The following ULK4 variants were observed in gnomAD, a reference collection of about 807,000 sequenced individuals.
ULK4 encodes unc-51 like kinase 4.
Under a neutral mutation model 160.6 loss-of-function variants are expected in ULK4, and 133 were observed. The observed-to-expected ratio is 0.83, with a 90% CI of 0.72 to 0.96. The LOEUF is 0.96. Among genes scored for constraint, ULK4 ranks in the 40% least tolerant of loss-of-function variants. The probability of loss-of-function intolerance (pLI) is 0.00; values close to 1 mark genes in which losing one functional copy is unlikely to be tolerated. For synonymous variants in ULK4, 534 were observed against 539.8 expected, an observed-to-expected ratio of 0.99 and a Z score of 0.15; for missense variants, 1,580 against 1,499.5, an observed-to-expected ratio of 1.05 and a Z score of -0.89.
intron 32 of ULK4, among the ~76,000 whole-genome samples, chr3:41,542,304 T>C (rs1200641740): frequency 6.6e-6 from 1 of 152,208 alleles, no homozygotes; most frequent in Non-Finnish European, 1.5e-5. Context: ...GTTCTGTTTA[T>C]GTGATGTATT....
intron 18 of ULK4, among the ~76,000 whole-genome samples, chr3:41,823,464 G>A (rs1422400251): frequency 6.6e-6 from 1 of 152,176 alleles, no homozygotes; most frequent in Non-Finnish European, 1.5e-5. Context: ...AAGAATACCT[G>A]AACTCAGGGT....
chr3:41,320,507 C>T (rs2080226168), intron 35 of ULK4, among the ~76,000 whole-genome samples: 1 of 152,190 alleles, frequency 6.6e-6, no homozygotes, highest in South Asian at 2.1e-4. Context: ...ACTTGCCCGG[C>T]CCCAGAACCT....
chr3:41,689,756 A>G (rs1165808121), intron 27 of ULK4, among the ~76,000 whole-genome samples: 1 of 152,194 alleles, frequency 6.6e-6, no homozygotes, highest in Non-Finnish European at 1.5e-5. Context: ...ATCTCACACC[A>G]GTTAGAATGG....
chr3:41,409,086 T>C (rs1014697648), intron 34 of ULK4, among the ~76,000 whole-genome samples: 5 of 151,852 alleles, frequency 3.3e-5, no homozygotes, highest in Admixed American at 1.3e-4. Context: ...CGAAACCCCA[T>C]CTCTACAAAA....
intron 4 of ULK4, among the ~76,000 whole-genome samples, chr3:41,935,242 T>A (rs1359991652): frequency 7.7e-5 from 8 of 103,242 alleles, no homozygotes; most frequent in Admixed American, 4.3e-4. Context: ...TTTTTTTTTT[T>A]TTTGAGACGG....
chr3:41,340,691 G>C (rs2080663436), intron 35 of ULK4, among the ~76,000 whole-genome samples: 1 of 152,172 alleles, frequency 6.6e-6, no homozygotes. Flanking sequence ...GGACAGATAT[G>C]AACATTTTCA....
At chr3:41,654,650 A>C (rs563979314) in intron 30 of ULK4, among the ~76,000 whole-genome samples, 3 of 152,326 alleles carry the variant, frequency 2.0e-5, no homozygotes, top group African/African-American at 7.2e-5. Context: ...CAAAAACTCA[A>C]AATTTGCTCA....
At chr3:41,800,916 T>C (rs1334857582) in intron 19 of ULK4, among the ~76,000 whole-genome samples, 1 of 152,208 alleles carries the variant, frequency 6.6e-6, no homozygotes, top group Non-Finnish European at 1.5e-5. Flanking sequence ...AGCCCAGAAG[T>C]ACTTACAGAA....
At chr3:41,957,709 T>C (rs1284440711) in intron 1 of ULK4, among the ~76,000 whole-genome samples, 2 of 148,978 alleles carry the variant, frequency 1.3e-5, no homozygotes, top group South Asian at 4.2e-4. Context: ...TGAGACCATG[T>C]CTCAGAAAAA....
At chr3:41,551,859 C>T (rs914011884) in intron 32 of ULK4, among the ~76,000 whole-genome samples, 1 of 151,984 alleles carries the variant, frequency 6.6e-6, no homozygotes, top group African/African-American at 2.4e-5. Flanking sequence ...ACACAAAAAT[C>T]TTCAACAAAA....
chr3:41,692,709 T>C (rs1459644230), intron 27 of ULK4, among the ~76,000 whole-genome samples: 5 of 152,092 alleles, frequency 3.3e-5, no homozygotes, highest in African/African-American at 9.7e-5. Flanking sequence ...ATACTAGTAA[T>C]ATTGATTTCT....
chr3:41,280,334 AC>A (rs1204280502), intron 35 of ULK4, among the ~76,000 whole-genome samples: 4 of 152,216 alleles, frequency 2.6e-5, no homozygotes, highest in Non-Finnish European at 4.4e-5. Context: ...AGAACTCTCC[AC>A]CTCAAATAAA....
intron 35 of ULK4, among the ~76,000 whole-genome samples, chr3:41,342,725 G>A (rs990087686): frequency 2.0e-5 from 3 of 152,072 alleles, no homozygotes; most frequent in Admixed American, 6.6e-5. Context: ...AACACAAAAC[G>A]AAAACTTTAG....
At chr3:41,420,147 C>A (rs2082627516) in intron 34 of ULK4, among the ~76,000 whole-genome samples, 1 of 151,926 alleles carries the variant, frequency 6.6e-6, no homozygotes, top group East Asian at 1.9e-4. Flanking sequence ...AGAGGCCTTC[C>A]TGTTAAAAAT....
intron 34 of ULK4, among the ~76,000 whole-genome samples, chr3:41,433,381 A>C (rs2082958016): frequency 6.6e-6 from 1 of 152,218 alleles, no homozygotes; most frequent in Admixed American, 6.5e-5. Flanking sequence ...GATGAGAATG[A>C]AAACTGGTCC....
intron 30 of ULK4, among the ~76,000 whole-genome samples, 155 bp from the exon 31 acceptor site, chr3:41,615,872 T>C (rs375183515): frequency 6.6e-6 from 1 of 152,216 alleles, no homozygotes; most frequent in Non-Finnish European, 1.5e-5. Context: ...CACTGAACTA[T>C]AGCTATTAAA....
At chr3:41,765,591 C>A (rs1020309009) in intron 21 of ULK4, among the ~76,000 whole-genome samples, 4 of 151,766 alleles carry the variant, frequency 2.6e-5, no homozygotes, top group African/African-American at 9.7e-5. Flanking sequence ...GTGGAAAAGA[C>A]AACACAAAGA....
Position 41,375,594 on chromosome 3 carries a change from T to C in ULK4, c.3678+22485A>G, listed in dbSNP as rs896538030. Among the ~76,000 whole-genome samples the C allele has an allele frequency of 6.0e-5, 9 of 150,142 alleles. 1 individual carries two copies. Among genetic ancestry groups the C allele is most frequent in the African/African-American group, 2.2e-4 (9 of 40,200 alleles). ...CTAGCCATATGCAGAAAACTGAAAC[T>C]GTACCCCTTCCCTACACCTTATACA... On this transcript the variant is annotated intron_variant, in intron 35 of 36. Coordinates refer to ENST00000301831, the MANE Select transcript of ULK4 (RefSeq NM_017886.4).
rs57463009 is a variant in ULK4, at chr3:41,961,550, A to ACCCCTCCCCC, written c.-49+465_-49+466insGGGGGAGGGG. On this transcript the variant is annotated intron_variant, in intron 1 of 36. Coordinates refer to ENST00000301831, the MANE Select transcript of ULK4 (RefSeq NM_017886.4). ...ACTCAGGGGCGCTACGTAGTCACTC[A>ACCCCTCCCCC]CCCCCCCCCCCCCCCCCCCCGCTCC... Among the ~76,000 whole-genome samples, 71 of 124,606 alleles carry ACCCCTCCCCC rather than the reference A, an allele frequency of 5.7e-4. 3 individuals carry two copies. Among genetic ancestry groups the ACCCCTCCCCC allele is most frequent in the Non-Finnish European group, 7.5e-4 (48 of 63,680 alleles). 81.7% of individuals were successfully genotyped at this position (124,606 alleles called of 152,430 possible). A position where few individuals can be genotyped will look rare whatever the true frequency, so the allele number is the denominator to read the frequency against.
Sources: allele counts gnomAD v4.1 joint callset (sites outside exome capture counted in the v4.1 genomes callset), GRCh38; gene constraint gnomAD v4.1.1; transcripts MANE v1.5; gene names NCBI Gene and HGNC (gene_info 2026-07-23, HGNC 2026-07-21).